The following KCNS1 variants were observed in gnomAD, a reference collection of about 807,000 sequenced individuals.
The protein encoded by KCNS1 is delayed-rectifier potassium channel regulatory subunit KCNS1.
KCNS1 carries 26 observed loss-of-function variants against 33.1 expected under a neutral mutation model. The ratio of observed to expected loss-of-function variants is 0.79; its 90% CI spans 0.58 to 1.09. KCNS1 has a LOEUF of 1.09. Ranked by LOEUF, KCNS1 falls within the 50% of genes least tolerant of loss-of-function variation. The probability of loss-of-function intolerance (pLI) is 0.00; values close to 1 mark genes in which losing one functional copy is unlikely to be tolerated. For synonymous variants in KCNS1, 299 were observed against 338.8 expected (o/e 0.88, Z 1.29); for missense variants, 702 against 752.4 (o/e 0.93, Z 0.78).
chr20:45,098,360 C>T lies in KCNS1; in HGVS notation c.412G>A (p.Ala138Thr). 1.3e-6 allele frequency: 2 copies of T among 1,577,168 alleles called. No individual in the cohort carries two copies. The highest frequency in any genetic ancestry group is 1.7e-6 in the Non-Finnish European group (2 of 1,161,674). ...ELCVFAFGQE[A>T]DYWGLGENAL... Reference sequence around the variant, plus strand: ...TTCTCGCCTAGGCCCCAGTAGTCGGCCTCCTGGCCAAAGGCGAAGACGCAC... The same window carrying T: ...TTCTCGCCTAGGCCCCAGTAGTCGGTCTCCTGGCCAAAGGCGAAGACGCAC... Residue 138 changes from alanine (A) to threonine (T), a missense_variant, in exon 3 of 4, where the codon GCC becomes ACC. Around this residue, in one of 3 missense-constraint regions of KCNS1, gnomAD observed 374 missense variants for 352.3 expected, o/e 1.06. Coordinates refer to ENST00000537075, the MANE Select transcript of KCNS1 (RefSeq NM_001322799.2). This position sits in a 1 kb window ranked among gnomAD's most constrained non-coding sequence, Gnocchi z 5.2.
Position 45,095,013 on chromosome 20 carries a change from G to C in KCNS1, c.1438C>G (p.Gln480Glu), listed in dbSNP as rs777754203. The C allele has an allele frequency of 2.5e-6, 4 of 1,613,766 alleles. No individual in the cohort carries two copies. Among genetic ancestry groups the C allele is most frequent in the Non-Finnish European group, 1.7e-6 (2 of 1,179,962 alleles). ...LEAAVRNSNH[Q>E]EFEDLLSSID... ...CTGCTCAGCAAGTCCTCAAACTCTT[G>C]GTGGTTGCTGTTGCGCACGGCTGCC... Residue 480 changes from glutamine (Q) to glutamate (E), a missense_variant, in exon 4 of 4, where the codon CAA becomes GAA. Around this residue, in one of 3 missense-constraint regions of KCNS1, gnomAD observed 75 missense variants for 72.7 expected, o/e 1.03. Transcript: ENST00000537075.
chr20:45,098,649 G>A lies in KCNS1; in HGVS notation c.123C>T (p.Thr41=). Reference sequence around the variant, plus strand: ...CGTCGCTTCGCCGCCAGCGGATCCCGGTGTCGGGGCCCGGGAACTCGCTCA... The same window carrying A: ...CGTCGCTTCGCCGCCAGCGGATCCCAGTGTCGGGGCCCGGGAACTCGCTCA... The part of the protein sequence containing the change: ...TFVSEFPGPD[T]GIRWRRSDEA... The change falls in exon 3 of 4, where the codon ACC becomes ACT. Residue 41 remains threonine, a synonymous_variant. Coordinates refer to ENST00000537075, the MANE Select transcript of KCNS1 (RefSeq NM_001322799.2). This position sits in a 1 kb window ranked among gnomAD's most constrained non-coding sequence, Gnocchi z 5.2. 1 of 1,472,472 alleles carries A rather than the reference G, an allele frequency of 6.8e-7. No individual in the cohort carries two copies. The highest frequency in any genetic ancestry group is 9.0e-7 in the Non-Finnish European group (1 of 1,113,510). The allele number at this position is 1,472,472 out of a possible 1,614,324, so 91.2% of individuals were successfully genotyped here.
chr20:45,094,904 G>A lies in KCNS1; in HGVS notation c.1547C>T (p.Ala516Val), dbSNP rs1981124748. The change falls in exon 4 of 4, where the codon GCC (alanine) becomes GTC (valine). Residue 516 changes from alanine to valine, a missense_variant. By Grantham distance (64) the Ala-to-Val change is moderately conservative. Coordinates refer to ENST00000537075, the MANE Select transcript of KCNS1 (RefSeq NM_001322799.2). ...EGQSADLESQ[A>V]PSEPPHPQMY ...CTGAGGGTGTGGAGGCTCACTGGGGGCCTGGCTCTCTAGATCTGCAGACTG... is the reference window on the plus strand; with the variant it reads ...CTGAGGGTGTGGAGGCTCACTGGGGACCTGGCTCTCTAGATCTGCAGACTG... 6.2e-7 allele frequency: 1 copy of A among 1,613,424 alleles called. No individual in the cohort carries two copies. The highest frequency in any genetic ancestry group is 1.7e-5 in the Admixed American group (1 of 59,962).
chr20:45,098,115 G>A lies in KCNS1; in HGVS notation c.657C>T (p.Ser219=). 1 of 1,595,172 alleles carries A rather than the reference G, an allele frequency of 6.3e-7. No individual in the cohort carries two copies. The change falls in exon 3 of 4, where the codon AGC becomes AGT. Residue 219 remains serine, a synonymous_variant. Coordinates refer to ENST00000537075, the MANE Select transcript of KCNS1 (RefSeq NM_001322799.2). The surrounding 1 kb of genome is among the most constrained non-coding windows in gnomAD (Gnocchi z 5.2). ...TGATGGAGACGCAGCTGAAGAGCTT[G>A]CTCGGCAGCGAGTAGCCCGGGTTCT... is the stretch of plus-strand genomic sequence containing the variant. ...TMENPGYSLP[S]KLFSCVSISV...
At position 45,098,613 on chromosome 20, in the gene KCNS1, G is replaced by A. The variant is rs773518281; in HGVS notation, c.159C>T (p.Arg53=). The A allele has an allele frequency of 4.1e-6, 6 of 1,462,860 alleles. No homozygotes were observed. The Middle Eastern group carries it at 6.8e-4, about 166-fold the overall frequency. The allele number at this position is 1,462,860 out of a possible 1,614,324, so 90.6% of individuals were successfully genotyped here. ...IRWRRSDEAL[R]VNVGGVRRQL... The stretch of plus-strand genomic sequence containing the variant: ...GCCGCCGCACGCCACCCACGTTCAC[G>A]CGCAGCGCCTCGTCGCTTCGCCGCC... Residue 53 remains arginine, a synonymous_variant, in exon 3 of 4, where the codon CGC becomes CGT. Coordinates refer to ENST00000537075, the MANE Select transcript of KCNS1 (RefSeq NM_001322799.2). This position sits in a 1 kb window ranked among gnomAD's most constrained non-coding sequence, Gnocchi z 5.2.
chr20:45,098,800 CTGTG>C lies in KCNS1; in HGVS notation c.77-109_77-106del. 9.0e-7 allele frequency: 1 copy of C among 1,116,884 alleles called. No individual in the cohort carries two copies. Among genetic ancestry groups the C allele is most frequent in the Non-Finnish European group, 1.2e-6 (1 of 854,304 alleles). The allele number at this position is 1,116,884 out of a possible 1,614,324, so 69.2% of individuals were successfully genotyped here. On this transcript the variant is annotated intron_variant, in intron 2 of 3. Transcript: ENST00000537075. This position sits in a 1 kb window ranked among gnomAD's most constrained non-coding sequence, Gnocchi z 5.2. ...CCAACCAGCCAAGGGGTGTTGGAGG[CTGTG>C]TGTGAAGCATCTGGTATGCAGGAGG...
chr20:45,098,812 C>T lies in KCNS1; in HGVS notation c.77-117G>A. 1.0e-6 allele frequency: 1 copy of T among 1,001,248 alleles called. No individual in the cohort carries two copies. Among genetic ancestry groups the T allele is most frequent in the Non-Finnish European group, 1.3e-6 (1 of 744,290 alleles). 62.0% of individuals were successfully genotyped at this position (1,001,248 alleles called of 1,614,324 possible). ...GGGGTGTTGGAGGCTGTGTGTGAAG[C>T]ATCTGGTATGCAGGAGGCGCTCAGT... On this transcript the variant is annotated intron_variant, in intron 2 of 3. Coordinates refer to ENST00000537075, the MANE Select transcript of KCNS1 (RefSeq NM_001322799.2). The surrounding 1 kb of genome is among the most constrained non-coding windows in gnomAD (Gnocchi z 5.2).
chr20:45,095,125 G>A lies in KCNS1; in HGVS notation c.1326C>T (p.Ile442=), dbSNP rs1981141057. 1 of 1,614,002 alleles carries A rather than the reference G, an allele frequency of 6.2e-7. No homozygotes were observed. Among genetic ancestry groups the A allele is most frequent in the Non-Finnish European group, 8.5e-7 (1 of 1,179,986 alleles). The part of the protein sequence containing the change: ...VAGKLAASGC[I]LGGILVVALP... ...GTGCTACCACCAGGATGCCCCCTAG[G>A]ATGCAGCCTGAGGCTGCCAGCTTGC... Residue 442 remains isoleucine, a synonymous_variant, in exon 4 of 4, where the codon ATC becomes ATT. Coordinates refer to ENST00000537075, the MANE Select transcript of KCNS1 (RefSeq NM_001322799.2).
At chr20:45,099,638 C>T (rs1322965717) in intron 1 of KCNS1, among the ~76,000 whole-genome samples, 1 of 152,206 alleles carries the variant, frequency 6.6e-6, no homozygotes, top group African/African-American at 2.4e-5. Flanking sequence ...ATCTCCACCC[C>T]TGACGCACCT....
chr20:45,101,031 C>A lies in KCNS1; in HGVS notation c.-114G>T. ...TGCCCCGCCGGCCCCGCCGAGCCTC[C>A]TGCTGCAGGCGGCCCCGCTGCCCTC... On this transcript the variant is annotated 5_prime_UTR_variant, in exon 1 of 4. In the 5' UTR this introduces an upstream ATG that the reference lacks. Coordinates refer to ENST00000537075, the MANE Select transcript of KCNS1 (RefSeq NM_001322799.2). 1 of 153,080 alleles carries A rather than the reference C, an allele frequency of 6.5e-6. No homozygotes were observed. Among genetic ancestry groups the A allele is most frequent in the Non-Finnish European group, 1.5e-5 (1 of 68,642 alleles). The allele number at this position is 153,080 out of a possible 1,614,324, so 9.5% of individuals were successfully genotyped here.
intron 3 of KCNS1, among the ~76,000 whole-genome samples, chr20:45,097,273 G>C (rs2145513300): frequency 6.6e-6 from 1 of 152,336 alleles, no homozygotes; most frequent in East Asian, 1.9e-4. Flanking sequence ...AGAGCCCCCT[G>C]ATAGTGCCAG....
chr20:45,095,272 C>T lies in KCNS1; in HGVS notation c.1179G>A (p.Val393=). ...LAVGVSVFSG[V]AYTAEKEEDV... is the part of the protein sequence containing the mutation. ...CCTCCTCCTTTTCAGCTGTGTAGGC[C>T]ACACCAGAGAACACTGACACACCCA... The change falls in exon 4 of 4, where the codon GTG becomes GTA. Residue 393 remains valine, a synonymous_variant. Coordinates refer to ENST00000537075, the MANE Select transcript of KCNS1 (RefSeq NM_001322799.2). 1 of 1,614,080 alleles carries T rather than the reference C, an allele frequency of 6.2e-7. No individual in the cohort carries two copies. Among genetic ancestry groups the T allele is most frequent in the East Asian group, 2.2e-5 (1 of 44,880 alleles).
chr20:45,094,679 T>C lies in KCNS1; in HGVS notation c.*191A>G. The C allele has an allele frequency of 1.7e-6, 1 of 584,088 alleles. No individual in the cohort carries two copies. The highest frequency in any genetic ancestry group is 2.8e-5 in the East Asian group (1 of 35,300). 36.2% of individuals were successfully genotyped at this position (584,088 alleles called of 1,614,324 possible). On this transcript the variant is annotated 3_prime_UTR_variant, in exon 4 of 4. Transcript: ENST00000537075. Reference sequence around the variant, plus strand: ...GGCAGGTTTATAAAGCTTTCTGAGTTGCTTGCAGAATCTCACAGAATCTAG... The same window carrying C: ...GGCAGGTTTATAAAGCTTTCTGAGTCGCTTGCAGAATCTCACAGAATCTAG...
Position 45,098,341 on chromosome 20 carries a change from C to G in KCNS1, c.431G>C (p.Gly144Ala), listed in dbSNP as rs1371618084. The G allele has an allele frequency of 1.5e-5, 23 of 1,573,174 alleles. No individual in the cohort carries two copies. Among genetic ancestry groups the G allele is most frequent in the Non-Finnish European group, 1.9e-5 (22 of 1,160,192 alleles). Residue 144 changes from glycine to alanine, a missense_variant, in exon 3 of 4, where the codon GGC becomes GCC. This residue lies in a region of KCNS1 where 374 missense variants were observed against 352.3 expected (regional missense o/e 1.06). Coordinates refer to ENST00000537075, the MANE Select transcript of KCNS1 (RefSeq NM_001322799.2). This position sits in a 1 kb window ranked among gnomAD's most constrained non-coding sequence, Gnocchi z 5.2. ...FGQEADYWGLGENALAACCRA... is the reference protein window; with the variant it reads ...FGQEADYWGLAENALAACCRA... ...GCAGCACGCGGCAAGCGCGTTCTCGCCTAGGCCCCAGTAGTCGGCCTCCTG... is the reference window on the plus strand; with the variant it reads ...GCAGCACGCGGCAAGCGCGTTCTCGGCTAGGCCCCAGTAGTCGGCCTCCTG...
rs541584599 is a variant in KCNS1, at chr20:45,099,160, C to T, written c.76+1G>A. 5 of 1,551,178 alleles carry T rather than the reference C, an allele frequency of 3.2e-6. No homozygotes were observed. The highest frequency in any genetic ancestry group is 2.0e-5 in the Admixed American group (1 of 50,998). On this transcript the variant is annotated splice_donor_variant, in intron 2 of 3. Coordinates refer to ENST00000537075, the MANE Select transcript of KCNS1 (RefSeq NM_001322799.2). LOFTEE classifies it high-confidence loss of function. ...TGCAAAATGAGGATAGTAACACTTA[C>T]CTCCTAGGGGTGTTGGCAGCACCAC...
chr20:45,098,684 C>A lies in KCNS1; in HGVS notation c.88G>T (p.Glu30Ter). The A allele has an allele frequency of 7.0e-7, 1 of 1,430,394 alleles. No individual in the cohort carries two copies. The highest frequency in any genetic ancestry group is 9.1e-7 in the Non-Finnish European group (1 of 1,095,764). The allele number at this position is 1,430,394 out of a possible 1,614,324, so 88.6% of individuals were successfully genotyped here. The change falls in exon 3 of 4, where the codon GAA (glutamate) becomes TAA (stop). Residue 30 changes from glutamate (E) to a stop codon, truncating the protein, a stop_gained. Coordinates refer to ENST00000537075, the MANE Select transcript of KCNS1 (RefSeq NM_001322799.2). LOFTEE classifies it high-confidence loss of function. The surrounding 1 kb of genome is among the most constrained non-coding windows in gnomAD (Gnocchi z 5.2). ...CCCGGGAACTCGCTCACAAAGGTTT[C>A]AGTGCTCCTCCCTGCGGACACCAGA... Reference protein sequence around the residue: ...LPTPLGGRSTETFVSEFPGPD... With the variant: ...LPTPLGGRST
chr20:45,100,107 T>C (rs1318147380), intron 1 of KCNS1: 1 of 152,256 alleles, frequency 6.6e-6, no homozygotes, highest in Non-Finnish European at 1.5e-5. Flanking sequence ...AGATGCTCAA[T>C]AAATGTTAAT....
Position 45,095,119 on chromosome 20 carries a change from C to A in KCNS1, c.1332G>T (p.Gly444=). ...GKLAASGCIL[G]GILVVALPIT... is the part of the protein sequence containing the mutation. ...TGGGGAGTGCTACCACCAGGATGCC[C>A]CCTAGGATGCAGCCTGAGGCTGCCA... Residue 444 remains glycine, a synonymous_variant, in exon 4 of 4, where the codon GGG becomes GGT. Coordinates refer to ENST00000537075, the MANE Select transcript of KCNS1 (RefSeq NM_001322799.2). 6.2e-7 allele frequency: 1 copy of A among 1,613,902 alleles called. No homozygotes were observed. Among genetic ancestry groups the A allele is most frequent in the Non-Finnish European group, 8.5e-7 (1 of 1,179,930 alleles).
At position 45,097,891 on chromosome 20, in the gene KCNS1, G is replaced by C; in HGVS notation, c.881C>G (p.Ala294Gly). Reference sequence around the variant, plus strand: ...GCAGAAGAAGTTGCGCGTACTGGGCGCCAGCAGGAGGCGCGACGACACCTC... The same window carrying C: ...GCAGAAGAAGTTGCGCGTACTGGGCCCCAGCAGGAGGCGCGACGACACCTC... The part of the protein sequence containing the change: ...SFEVSSRLLL[A>G]PSTRNFFCHP... Residue 294 changes from alanine (A) to glycine (G), a missense_variant, in exon 3 of 4, where the codon GCG (alanine) becomes GGG (glycine). Transcript: ENST00000537075. 2 of 1,609,732 alleles carry C rather than the reference G, an allele frequency of 1.2e-6. No homozygotes were observed. Among genetic ancestry groups the C allele is most frequent in the Non-Finnish European group, 1.7e-6 (2 of 1,178,236 alleles).
Sources: gnomAD v4.1 joint callset for allele counts (sites outside exome capture counted in the v4.1 genomes callset) on GRCh38, gnomAD v4.1.1 for gene constraint, gnomAD v4.1.1 regional missense constraint, Gnocchi (gnomAD v3.1) non-coding constraint, MANE v1.5 for transcripts, NCBI Gene and HGNC (gene_info 2026-07-23, HGNC 2026-07-21) for gene names.